Variants in ZFYVE26 observed in about 807,000 individuals in gnomAD.
The protein encoded by ZFYVE26 is zinc finger FYVE-type containing 26.
In ZFYVE26, 181 loss-of-function variants were observed where a neutral mutation model predicts 276.5. That is an observed-to-expected ratio of 0.65 (90% CI 0.58 to 0.74). The LOEUF is 0.74. Ranked by LOEUF, ZFYVE26 falls within the 30% of genes least tolerant of loss-of-function variation. ZFYVE26 has a pLI of 0.00. For missense variants in ZFYVE26, 2,821 were observed against 3,097.9 expected (o/e 0.91, Z 2.12); for synonymous variants, 1,129 against 1,203.1 (o/e 0.94, Z 1.27).
chr14:67,763,201 G>A (rs2038978549), intron 32 of ZFYVE26, among the ~76,000 whole-genome samples: 1 of 152,230 alleles, frequency 6.6e-6, no homozygotes, highest in Non-Finnish European at 1.5e-5. Flanking sequence ...CATTTTCAAT[G>A]TGAAAGTGAT....
intron 23 of ZFYVE26, 100 bp from the exon 24 acceptor site, chr14:67,778,348 G>A: frequency 6.8e-7 from 1 of 1,461,196 alleles, no homozygotes; most frequent in East Asian, 2.3e-5. Context: ...TATAAGTGCT[G>A]ATGGGAACTT....
At chr14:67,753,873 G>T in intron 38 of ZFYVE26, 107 bp from the exon 39 acceptor site, 1 of 1,507,312 alleles carries the variant, frequency 6.6e-7, no homozygotes. Flanking sequence ...AATATTTGTT[G>T]AGACCCTGCT....
chr14:67,764,611 G>A (rs1187875023), intron 32 of ZFYVE26, among the ~76,000 whole-genome samples: 1 of 152,288 alleles, frequency 6.6e-6, no homozygotes, highest in Non-Finnish European at 1.5e-5. Flanking sequence ...TGAAATCCAA[G>A]AGTTTGTAAG....
At position 67,783,683 on chromosome 14, in the gene ZFYVE26, C is replaced by T. The variant is rs78319136; in HGVS notation, c.3627-158G>A. ...ACAAAAAGTAGCCTATTAGACATATCGCTCTGCCCTTTATGTTTTCACGAA... is the reference window on the plus strand; with the variant it reads ...ACAAAAAGTAGCCTATTAGACATATTGCTCTGCCCTTTATGTTTTCACGAA... On this transcript the variant is annotated intron_variant, in intron 20 of 41. Coordinates refer to ENST00000347230, the MANE Select transcript of ZFYVE26 (RefSeq NM_015346.4). 5.5e-3 allele frequency among the ~76,000 whole-genome samples: 837 copies of T among 152,270 alleles called. 10 individuals are homozygous for T. The highest frequency in any genetic ancestry group is 0.02 in the African/African-American group (813 of 41,556).
At chr14:67,774,568 C>T (rs2039292518) in intron 27 of ZFYVE26, among the ~76,000 whole-genome samples, 1 of 151,780 alleles carries the variant, frequency 6.6e-6, no homozygotes, top group African/African-American at 2.4e-5. Context: ...AAGCTCAGTG[C>T]TGGGGCTAGT....
chr14:67,761,464 G>C lies in ZFYVE26; in HGVS notation c.6490C>G (p.Leu2164Val), dbSNP rs542957666. The change falls in exon 35 of 42, where the codon CTC (leucine) becomes GTC (valine). Residue 2164 changes from leucine to valine, a missense_variant. Leu to Val is a conservative substitution (Grantham distance 32, BLOSUM62 1). Transcript: ENST00000347230. The stretch of plus-strand genomic sequence containing the variant: ...GTGCTATAGTTGTGCAGGTAGAAGA[G>C]GCATTCCTGGTAGTAGGTGTTGTTC... ...IMNNTYYQECLFYLHNYSTNL... is the reference protein window; with the variant it reads ...IMNNTYYQECVFYLHNYSTNL... 6.2e-7 allele frequency: 1 copy of C among 1,614,204 alleles called. No homozygotes were observed. The highest frequency in any genetic ancestry group is 8.5e-7 in the Non-Finnish European group (1 of 1,180,042).
Position 67,815,775 on chromosome 14 carries a change from C to T in ZFYVE26, c.189G>A (p.Leu63=). 1 of 1,613,066 alleles carries T rather than the reference C, an allele frequency of 6.2e-7. No individual in the cohort carries two copies. The highest frequency in any genetic ancestry group is 8.5e-7 in the Non-Finnish European group (1 of 1,180,028). ...ILQALVVCPN[L]LRCGQDINPQ... ...TAGGAAAAGAGATCCCTTACCTCAG[C>T]AGATTTGGACACACCACCAATGCCT... The change falls in exon 2 of 42, where the codon CTG becomes CTA. Residue 63 remains leucine (L), a synonymous_variant. Coordinates refer to ENST00000347230, the MANE Select transcript of ZFYVE26 (RefSeq NM_015346.4).
At position 67,748,443 on chromosome 14, in the gene ZFYVE26, C is replaced by A. The variant is rs562998547; in HGVS notation, c.7613G>T (p.Arg2538Met). 5 of 1,612,020 alleles carry A rather than the reference C, an allele frequency of 3.1e-6. No homozygotes were observed. The African/African-American group carries it at 6.7e-5, about 22-fold the overall frequency. The change falls in exon 42 of 42, where the codon AGG (arginine) becomes ATG (methionine). Residue 2538 changes from arginine (R) to methionine (M), a missense_variant. Transcript: ENST00000347230. ...HPRGAHGPGS[R>M]K Reference sequence around the variant, plus strand: ...TGGCCCCACTGCCCAAGGTCACTTCCTGGAGCCTGGGCCATGGGCACCCCG... The same window carrying A: ...TGGCCCCACTGCCCAAGGTCACTTCATGGAGCCTGGGCCATGGGCACCCCG...
At chr14:67,809,781 T>TA (rs1471002824) in intron 3 of ZFYVE26, among the ~76,000 whole-genome samples, 5 of 86,890 alleles carry the variant, frequency 5.8e-5, no homozygotes, top group Non-Finnish European at 1.2e-4. Context: ...TATTCTTTTC[T>TA]CTTTTTTTTT....
chr14:67,812,749 C>G (rs2040329303), intron 3 of ZFYVE26, among the ~76,000 whole-genome samples: 1 of 152,190 alleles, frequency 6.6e-6, no homozygotes, highest in African/African-American at 2.4e-5. Context: ...CAAATAGTCT[C>G]TACTGAGGGG....
chr14:67,743,498 T>TAATAAAATAA (rs142422698), downstream of ZFYVE26, among the ~76,000 whole-genome samples: 2 of 139,206 alleles, frequency 1.4e-5, no homozygotes, highest in African/African-American at 5.5e-5. Flanking sequence ...CTCAGTATAA[T>TAATAAAATAA]AATAAAATAA....
chr14:67,748,001 G>C lies in ZFYVE26; in HGVS notation c.*435C>G, dbSNP rs144607941. On this transcript the variant is annotated 3_prime_UTR_variant, in exon 42 of 42. Transcript: ENST00000347230. Reference sequence around the variant, plus strand: ...AGCTACTAAAGCACGTCCACAGAGGGGGGACTATACAAACAGGACAACCCG... The same window carrying C: ...AGCTACTAAAGCACGTCCACAGAGGCGGGACTATACAAACAGGACAACCCG... 7 of 199,876 alleles carry C rather than the reference G, an allele frequency of 3.5e-5. No homozygotes were observed. The East Asian group carries it at 8.6e-4, about 25-fold the overall frequency. 12.4% of individuals were successfully genotyped at this position (199,876 alleles called of 1,614,324 possible).
chr14:67,780,945 T>C (rs927544367), intron 22 of ZFYVE26, among the ~76,000 whole-genome samples: 1 of 152,198 alleles, frequency 6.6e-6, no homozygotes, highest in Non-Finnish European at 1.5e-5. Flanking sequence ...GTTTTGAAAT[T>C]GTCACCTTCA....
intron 35 of ZFYVE26, among the ~76,000 whole-genome samples, chr14:67,757,940 C>T (rs1354736245): frequency 6.6e-6 from 1 of 152,146 alleles, no homozygotes; most frequent in Non-Finnish European, 1.5e-5. Flanking sequence ...GTCTCAAACT[C>T]CTGACTTCAA....
rs377727314 is a variant in ZFYVE26, at chr14:67,761,770, ACAAAT to A, written c.6370-191_6370-187del. On this transcript the variant is annotated intron_variant, in intron 34 of 41. Transcript: ENST00000347230. Reference sequence around the variant, plus strand: ...TAAAGTATGATAAAAAAATAAAAAAACAAATAAAGAAAGAATATTTAACAATGTGG... The same window carrying A: ...TAAAGTATGATAAAAAAATAAAAAAAAAAGAAAGAATATTTAACAATGTGG... 1,860 of 490,372 alleles carry A rather than the reference ACAAAT, an allele frequency of 3.8e-3. 12 individuals are homozygous for A. Among genetic ancestry groups the A allele is most frequent in the African/African-American group, 0.023 (650 of 27,708 alleles). The allele number at this position is 490,372 out of a possible 1,614,324, so 30.4% of individuals were successfully genotyped here. A position where few individuals can be genotyped will look rare whatever the true frequency, so the allele number is the denominator to read the frequency against.
intron 31 of ZFYVE26, among the ~76,000 whole-genome samples, chr14:67,766,801 G>T (rs1255620011): frequency 6.6e-6 from 1 of 152,042 alleles, no homozygotes; most frequent in Non-Finnish European, 1.5e-5. Context: ...CCAGGCTCAA[G>T]CAATCCTTCC....
chr14:67,735,220 G>C (rs1351766188), intron 13 of ZFYVE26: 1 of 1,461,022 alleles, frequency 6.8e-7, no homozygotes, highest in Non-Finnish European at 9.6e-7. Context: ...ATTTCTCGTG[G>C]TGTTCAGGTG....
chr14:67,745,049 A>G (rs374716903), downstream of ZFYVE26, among the ~76,000 whole-genome samples: 5 of 152,134 alleles, frequency 3.3e-5, no homozygotes, highest in East Asian at 9.7e-4. Flanking sequence ...AACCATTCCT[A>G]TTTCTCCACA....
At position 67,807,699 on chromosome 14, in the gene ZFYVE26, G is replaced by T. The variant is rs1386872774; in HGVS notation, c.585C>A (p.Asp195Glu). 6.2e-7 allele frequency: 1 copy of T among 1,614,182 alleles called. No individual in the cohort carries two copies. Among genetic ancestry groups the T allele is most frequent in the Admixed American group, 1.7e-5 (1 of 60,030 alleles). Residue 195 changes from aspartate to glutamate, a missense_variant, in exon 5 of 42, where the codon GAC becomes GAA. Transcript: ENST00000347230. ...AAGCCCGCAATGCCTTTCGAATGAG[G>T]TCCACCAGTGCATTCTGCAGAGGCC... ...CHWPLQNALV[D>E]LIRKALRALQ...
Sources: allele counts gnomAD v4.1 joint callset (sites outside exome capture counted in the v4.1 genomes callset), GRCh38; gene constraint gnomAD v4.1.1; transcripts MANE v1.5; gene names NCBI Gene and HGNC (gene_info 2026-07-23, HGNC 2026-07-21).